WDFY4: variants seen among roughly 807,000 people sequenced by gnomAD.
WDFY4 encodes the protein WDFY family member 4, also known as WD repeat- and FYVE domain-containing protein 4.
WDFY4 carries 169 observed loss-of-function variants against 351.9 expected under a neutral mutation model. The observed-to-expected ratio is 0.48, with a 90% CI of 0.42 to 0.55. The LOEUF is 0.55. Among genes scored for constraint, WDFY4 ranks in the 20% least tolerant of loss-of-function variants. WDFY4 has a pLI of 0.00. For missense variants in WDFY4, 3,803 were observed against 3,935.6 expected (o/e 0.97, Z 0.90); for synonymous variants, 1,622 against 1,574.6 (o/e 1.03, Z -0.71).
At chr10:48,810,404 T>C (rs1019509369) in intron 28 of WDFY4, 126 bp from the exon 29 acceptor site, 4 of 806,906 alleles carry the variant, frequency 5.0e-6, no homozygotes, top group Admixed American at 3.1e-5. Flanking sequence ...ATGTAATACA[T>C]AATAAGTGAT....
chr10:48,692,922 A>G (rs1383030570), intron 1 of WDFY4, among the ~76,000 whole-genome samples: 1 of 152,010 alleles, frequency 6.6e-6, no homozygotes, highest in African/African-American at 2.4e-5. Context: ...CAATAGTGGG[A>G]GCAGTTTGAA....
intron 1 of WDFY4, among the ~76,000 whole-genome samples, chr10:48,700,310 C>T (rs930499429): frequency 5.3e-5 from 8 of 152,176 alleles, no homozygotes; most frequent in Non-Finnish European, 1.0e-4. Flanking sequence ...GTAGACTGTG[C>T]TTTGGGGGCC....
chr10:48,711,665 A>G (rs1264384830), intron 2 of WDFY4, among the ~76,000 whole-genome samples: 9 of 152,170 alleles, frequency 5.9e-5, no homozygotes, highest in Non-Finnish European at 1.2e-4. Context: ...TTAAGCTCCT[A>G]TACTCTGCTC....
chr10:48,964,458 G>A (rs1035861927), intron 54 of WDFY4, among the ~76,000 whole-genome samples: 4 of 152,298 alleles, frequency 2.6e-5, no homozygotes, highest in Non-Finnish European at 5.9e-5. Flanking sequence ...GAAATCTCTC[G>A]TGAGCTCTGG....
chr10:48,839,372 T>C (rs2068517670), intron 39 of WDFY4, among the ~76,000 whole-genome samples: 1 of 152,256 alleles, frequency 6.6e-6, no homozygotes. Flanking sequence ...ACATTTTTAC[T>C]TAAAGTTGTA....
At chr10:48,873,744 G>A (rs1390757511) in intron 41 of WDFY4, 47 bp downstream of exon 41, 1 of 1,538,476 alleles carries the variant, frequency 6.5e-7, no homozygotes, top group Admixed American at 2.0e-5. Flanking sequence ...GGTAGGGCCT[G>A]ATAGGAAAGC....
intron 57 of WDFY4, among the ~76,000 whole-genome samples, chr10:48,972,795 C>T (rs367606670): frequency 2.0e-5 from 3 of 152,132 alleles, no homozygotes; most frequent in African/African-American, 4.8e-5. Context: ...CAAGAGCACC[C>T]GTTTCATGGC....
chr10:48,781,155 T>G (rs112910600), intron 19 of WDFY4, among the ~76,000 whole-genome samples: 97 of 152,182 alleles, frequency 6.4e-4, no homozygotes, highest in African/African-American at 2.3e-3. Context: ...GGGACACATA[T>G]AGGTGAATTT....
intron 9 of WDFY4, 128 bp downstream of exon 9, chr10:48,731,690 T>C (rs1412146838): frequency 7.9e-6 from 9 of 1,145,456 alleles, no homozygotes; most frequent in Non-Finnish European, 1.1e-5. Flanking sequence ...GAAGGTATGC[T>C]TGGGACACAC....
chr10:48,957,910 A>T (rs1028473251), intron 52 of WDFY4, among the ~76,000 whole-genome samples: 1 of 152,230 alleles, frequency 6.6e-6, no homozygotes, highest in African/African-American at 2.4e-5. Flanking sequence ...CACTGCAAAC[A>T]GTTGCAAGGC....
chr10:48,898,490 C>T (rs942431788), intron 45 of WDFY4, among the ~76,000 whole-genome samples: 2 of 152,142 alleles, frequency 1.3e-5, no homozygotes, highest in Admixed American at 6.5e-5. Context: ...CAGTGCTTGG[C>T]CTAGATGAAC....
intron 33 of WDFY4, among the ~76,000 whole-genome samples, chr10:48,820,832 T>A (rs897121765): frequency 6.6e-5 from 10 of 152,058 alleles, no homozygotes; most frequent in Non-Finnish European, 1.2e-4. Context: ...CAGGTGGCCG[T>A]GGGCTGTGGG....
chr10:48,850,548 A>G (rs960576742), intron 39 of WDFY4, among the ~76,000 whole-genome samples: 2 of 152,172 alleles, frequency 1.3e-5, no homozygotes, highest in Admixed American at 6.5e-5. Flanking sequence ...CAATTCCACT[A>G]TAACCCTTTC....
At chr10:48,833,544 A>T (rs2068271657) in intron 39 of WDFY4, among the ~76,000 whole-genome samples, 1 of 152,336 alleles carries the variant, frequency 6.6e-6, no homozygotes, top group Non-Finnish European at 1.5e-5. Flanking sequence ...ATTCTGCCCA[A>T]GTTCAAGGGA....
chr10:48,723,154 C>G (rs566558945), intron 4 of WDFY4, among the ~76,000 whole-genome samples: 2 of 150,514 alleles, frequency 1.3e-5, no homozygotes, highest in South Asian at 4.3e-4. Flanking sequence ...ACCCTCCCTC[C>G]CTCCCTCTCT....
chr10:48,932,694 T>C (rs1840092386), intron 47 of WDFY4: 1 of 151,362 alleles, frequency 6.6e-6, no homozygotes, highest in Non-Finnish European at 1.5e-5. Flanking sequence ...CAAGGAGCAT[T>C]TCAGTTGGTG....
In WDFY4 at chr10:48,826,669, A is replaced by G. The variant is rs1356958559; in HGVS notation, c.5983-2A>G. On this transcript the variant is annotated splice_acceptor_variant, in intron 35 of 61. Coordinates refer to ENST00000325239, the MANE Select transcript of WDFY4 (RefSeq NM_001394531.1). LOFTEE classifies it high-confidence loss of function. Reference sequence around the variant, plus strand: ...TATGTGTATGTTTTTTTAATGACACAGGTCATTGAGACTGCCTCTTCTCAA... The same window carrying G: ...TATGTGTATGTTTTTTTAATGACACGGGTCATTGAGACTGCCTCTTCTCAA... 6.5e-7 allele frequency: 1 copy of G among 1,545,026 alleles called. No individual in the cohort carries two copies. Among genetic ancestry groups the G allele is most frequent in the Non-Finnish European group, 8.8e-7 (1 of 1,140,968 alleles).
intron 12 of WDFY4, among the ~76,000 whole-genome samples, chr10:48,754,862 C>G (rs554849165): frequency 6.6e-6 from 1 of 152,288 alleles, no homozygotes; most frequent in South Asian, 2.1e-4. Context: ...TTGCATATGA[C>G]AGCAGCAACA....
chr10:48,733,142 A>G (rs2064525321), intron 9 of WDFY4, among the ~76,000 whole-genome samples: 1 of 152,158 alleles, frequency 6.6e-6, no homozygotes, highest in African/African-American at 2.4e-5. Context: ...CTAACATTGA[A>G]TTTGCTTTTA....
Sources: gnomAD v4.1 joint callset for allele counts (sites outside exome capture counted in the v4.1 genomes callset) on GRCh38, gnomAD v4.1.1 for gene constraint, MANE v1.5 for transcripts, NCBI Gene and HGNC (gene_info 2026-07-23, HGNC 2026-07-21) for gene names.